AKAP9: variants seen among roughly 807,000 people sequenced by gnomAD.
AKAP9 encodes A-kinase anchor protein 9.
Under a neutral mutation model 488.5 loss-of-function variants are expected in AKAP9, and 311 were observed. The observed-to-expected ratio is 0.64, with a 90% CI of 0.58 to 0.70. The LOEUF (loss-of-function observed/expected upper bound fraction) is 0.70, where lower values mean the gene tolerates loss of function less well. AKAP9 is among the 30% of genes least tolerant of loss of function. The pLI is 0.00. For synonymous variants in AKAP9, 1,462 were observed against 1,483.5 expected (o/e 0.99, Z 0.33); for missense variants, 4,215 against 4,374.5 (o/e 0.96, Z 1.03).
At chr7:91,998,558 T>C (rs1478796108) in intron 7 of AKAP9, among the ~76,000 whole-genome samples, 1 of 151,608 alleles carries the variant, frequency 6.6e-6, no homozygotes, top group African/African-American at 2.4e-5. Flanking sequence ...AGAAGAATTA[T>C]TGTTGGTTGT....
chr7:92,002,376 AAGAAAT>A lies in AKAP9; in HGVS notation c.2467_2472del (p.Glu823_Ile824del), dbSNP rs1799279081. The A allele has an allele frequency of 6.2e-7, 1 of 1,611,640 alleles. No individual in the cohort carries two copies. Among genetic ancestry groups the A allele is most frequent in the Non-Finnish European group, 8.5e-7 (1 of 1,179,070 alleles). ...AAATCCAAAGACTCTGTGTGGGAAA[AAGAAAT>A]AGAAATACTTATAGAGGAAAATGAG... On this transcript the variant is annotated inframe_deletion, in exon 8 of 50. Coordinates refer to ENST00000356239, the MANE Select transcript of AKAP9 (RefSeq NM_005751.5).
At chr7:92,046,854 AC>A (rs1253317636) in intron 21 of AKAP9, among the ~76,000 whole-genome samples, 2 of 152,190 alleles carry the variant, frequency 1.3e-5, no homozygotes, top group Non-Finnish European at 2.9e-5. Context: ...TAAGACCTAG[AC>A]CAGGTTGACT....
At chr7:91,959,920 T>C (rs1052682357) in intron 1 of AKAP9, among the ~76,000 whole-genome samples, 1 of 152,224 alleles carries the variant, frequency 6.6e-6, no homozygotes, top group Non-Finnish European at 1.5e-5. Flanking sequence ...TTTTGTCTTC[T>C]TTACTTTCAG....
chr7:91,988,553 A>G (rs1262487516), intron 3 of AKAP9, among the ~76,000 whole-genome samples: 1 of 152,214 alleles, frequency 6.6e-6, no homozygotes, highest in Non-Finnish European at 1.5e-5. Flanking sequence ...AAAGTTTAAT[A>G]ATCTTGGCAG....
chr7:92,093,329 T>C lies in AKAP9; in HGVS notation c.9578+13T>C, dbSNP rs759616615. 8 of 1,612,410 alleles carry C rather than the reference T, an allele frequency of 5.0e-6. No homozygotes were observed. The South Asian group carries it at 8.8e-5, about 18-fold the overall frequency. ...TGGAGGCTTTCAGGTGTGCCAGGCT[T>C]CCTTATTAAAAACATGTAACAAGGA... On this transcript the variant is annotated intron_variant, in intron 39 of 49. Coordinates refer to ENST00000356239, the MANE Select transcript of AKAP9 (RefSeq NM_005751.5).
intron 44 of AKAP9, among the ~76,000 whole-genome samples, chr7:92,100,637 G>A (rs1817372216): frequency 1.3e-5 from 2 of 152,162 alleles, no homozygotes; most frequent in African/African-American, 4.8e-5. Context: ...CTGTGGCCAG[G>A]CTTTCTCAAG....
chr7:92,045,024 G>A lies in AKAP9; in HGVS notation c.5179G>A (p.Ala1727Thr). Residue 1727 changes from alanine (A) to threonine (T), a missense_variant, in exon 21 of 50, where the codon GCT becomes ACT. Physicochemically the swap from Ala to Thr is moderately conservative, Grantham distance 58. Around this residue, in one of 5 missense-constraint regions of AKAP9, gnomAD observed 2,361 missense variants for 2,430.0 expected, o/e 0.97. Coordinates refer to ENST00000356239, the MANE Select transcript of AKAP9 (RefSeq NM_005751.5). ...LSNERYALQK[A>T]NNRLLKILLE... ...TCTATACAGGTATGCACTCCAGAAA[G>A]CTAATAATAGACTTTTGAAGATCCT... The A allele has an allele frequency of 6.2e-7, 1 of 1,612,122 alleles. No homozygotes were observed. The highest frequency in any genetic ancestry group is 8.5e-7 in the Non-Finnish European group (1 of 1,178,376).
intron 42 of AKAP9, 116 bp from the exon 43 acceptor site, chr7:92,097,993 G>GGGAT: frequency 2.3e-6 from 2 of 858,066 alleles, no homozygotes; most frequent in Non-Finnish European, 3.8e-6. Flanking sequence ...AAGAAAGCAT[G>GGGAT]GGATATAAGG....
chr7:92,013,571 T>C (rs1801091140), intron 9 of AKAP9, among the ~76,000 whole-genome samples: 1 of 152,012 alleles, frequency 6.6e-6, no homozygotes, highest in Non-Finnish European at 1.5e-5. Context: ...GAGGTAAGAG[T>C]AGTGATTAGA....
intron 16 of AKAP9, among the ~76,000 whole-genome samples, chr7:92,034,750 C>T (rs995476936): frequency 1.1e-4 from 17 of 151,596 alleles, no homozygotes; most frequent in African/African-American, 2.4e-4. Context: ...CCACCCACCT[C>T]GGCCTCCCAA....
At chr7:92,008,688 A>C (rs889074502) in intron 8 of AKAP9, among the ~76,000 whole-genome samples, 4 of 148,414 alleles carry the variant, frequency 2.7e-5, no homozygotes, top group African/African-American at 7.5e-5. Context: ...ACTCTATCTC[A>C]AAAAACAAAG....
At chr7:92,009,061 A>G (rs1035087628) in intron 8 of AKAP9, among the ~76,000 whole-genome samples, 3 of 152,082 alleles carry the variant, frequency 2.0e-5, no homozygotes, top group East Asian at 1.9e-4. Flanking sequence ...GCTCACACCT[A>G]TAATCCCAGT....
intron 46 of AKAP9, 135 bp from the exon 47 acceptor site, chr7:92,105,543 C>T: frequency 1.4e-6 from 1 of 731,176 alleles, no homozygotes; most frequent in Non-Finnish European, 2.5e-6. Context: ...CAGGCATTGA[C>T]ATAGTTTAAC....
intron 31 of AKAP9, among the ~76,000 whole-genome samples, chr7:92,080,957 C>T (rs1266447039): frequency 1.3e-5 from 2 of 152,092 alleles, no homozygotes; most frequent in African/African-American, 4.8e-5. Context: ...GAGACAGCCT[C>T]AGGCCAAATT....
chr7:92,029,900 C>G lies in AKAP9; in HGVS notation c.4154C>G (p.Pro1385Arg). 6.2e-7 allele frequency: 1 copy of G among 1,611,104 alleles called. No individual in the cohort carries two copies. The highest frequency in any genetic ancestry group is 8.5e-7 in the Non-Finnish European group (1 of 1,177,520). ...CCTTTTTTATTTATATTCAGCTTAC[C>G]TGTTGATTCGGTGGTAATTACAGAA... ...VSESTVPPSL[P>R]VDSVVITESD... is the part of the protein sequence containing the mutation. Residue 1385 changes from proline (P) to arginine (R), a missense_variant, in exon 15 of 50, where the codon CCT becomes CGT. Pro to Arg is a moderately radical substitution (Grantham distance 103). This residue lies in a region of AKAP9 where 2,361 missense variants were observed against 2,430.0 expected (regional missense o/e 0.97). Transcript: ENST00000356239.
At chr7:92,057,205 T>A (rs192615189) in intron 22 of AKAP9, among the ~76,000 whole-genome samples, 1 of 152,102 alleles carries the variant, frequency 6.6e-6, no homozygotes, top group Non-Finnish European at 1.5e-5. Context: ...ATAGTTTTAG[T>A]GGCTGCTTGA....
chr7:92,029,743 C>T (rs1052386290), intron 14 of AKAP9, 152 bp from the exon 15 acceptor site: 2 of 632,162 alleles, frequency 3.2e-6, no homozygotes, highest in Middle Eastern at 3.4e-4. Context: ...AAATATTAGT[C>T]AAAAATATGA....
In AKAP9 at chr7:92,095,039, A is replaced by G. The variant is rs1364235653; in HGVS notation, c.9595A>G (p.Lys3199Glu). ...CTGACTTAGGTTGGAAGTTAAAGAT[A>G]AGACAGATGAAGTACATTTGCTTAA... ...LEAFRLEVKDKTDEVHLLNDT... is the reference protein window; with the variant it reads ...LEAFRLEVKDETDEVHLLNDT... The change falls in exon 40 of 50, where the codon AAG becomes GAG. Residue 3199 changes from lysine to glutamate, a missense_variant. Lys to Glu is a moderately conservative substitution (Grantham distance 56). This residue lies in a region of AKAP9 where 1,476 missense variants were observed against 1,477.4 expected (regional missense o/e 1.00). Coordinates refer to ENST00000356239, the MANE Select transcript of AKAP9 (RefSeq NM_005751.5). 4.3e-6 allele frequency: 7 copies of G among 1,613,994 alleles called. No individual in the cohort carries two copies. Among genetic ancestry groups the G allele is most frequent in the Non-Finnish European group, 5.9e-6 (7 of 1,179,946 alleles).
intron 42 of AKAP9, 146 bp from the exon 43 acceptor site, chr7:92,097,963 T>A: frequency 5.8e-6 from 5 of 856,730 alleles, no homozygotes; most frequent in Non-Finnish European, 9.6e-6. Context: ...AAAACAACTA[T>A]CTAACACTTT....
Sources: allele counts gnomAD v4.1 joint callset (sites outside exome capture counted in the v4.1 genomes callset), GRCh38; gene constraint gnomAD v4.1.1; regional missense constraint gnomAD v4.1.1; transcripts MANE v1.5; gene names NCBI Gene and HGNC (gene_info 2026-07-23, HGNC 2026-07-21).